Variants in DENND1A observed in about 807,000 individuals in gnomAD.
The protein encoded by DENND1A is DENN domain-containing protein 1A.
In DENND1A, 51 loss-of-function variants were observed where a neutral mutation model predicts 113.7. That is an observed-to-expected ratio of 0.45 (90% CI 0.36 to 0.57). The LOEUF (loss-of-function observed/expected upper bound fraction) is 0.57. Among genes scored for constraint, DENND1A ranks in the 20% least tolerant of loss-of-function variants. DENND1A has a pLI of 0.00. For synonymous variants in DENND1A, 565 were observed against 570.8 expected (o/e 0.99, Z 0.14); for missense variants, 1,258 against 1,395.9 (o/e 0.90, Z 1.57).
At chr9:123,924,302 T>C (rs1387140005) in intron 1 of DENND1A, among the ~76,000 whole-genome samples, 1 of 152,192 alleles carries the variant, frequency 6.6e-6, no homozygotes, top group African/African-American at 2.4e-5. Flanking sequence ...GGTTTCTTTC[T>C]GGGGTGATGA....
chr9:123,901,568 G>A (rs1851624469), intron 1 of DENND1A, among the ~76,000 whole-genome samples: 1 of 152,068 alleles, frequency 6.6e-6, no homozygotes, highest in South Asian at 2.1e-4. Context: ...TATTTCCCTA[G>A]AAAAATCTCA....
intron 1 of DENND1A, among the ~76,000 whole-genome samples, chr9:123,890,200 T>C (rs1032790333): frequency 6.6e-6 from 1 of 152,040 alleles, no homozygotes; most frequent in African/African-American, 2.4e-5. Flanking sequence ...TGAACCCTGG[T>C]TTTAAGATTC....
In DENND1A at chr9:123,457,375, C is replaced by T; in HGVS notation, c.1159G>A (p.Glu387Lys). 2 of 1,614,092 alleles carry T rather than the reference C, an allele frequency of 1.2e-6. No homozygotes were observed. Among genetic ancestry groups the T allele is most frequent in the Non-Finnish European group, 1.7e-6 (2 of 1,179,970 alleles). ...GCGTACTCGCCCATGTTGATTTCCT[C>T]TTCAAAAACATCACTGAAACCTTCG... ...SGEGFSDVFE[E>K]EINMGEYAGS... The change falls in exon 15 of 24, where the codon GAG (glutamate) becomes AAG (lysine). Residue 387 changes from glutamate to lysine, a missense_variant. Physicochemically the swap from Glu to Lys is moderately conservative, Grantham distance 56. Around this residue, in one of 2 missense-constraint regions of DENND1A, gnomAD observed 1,159 missense variants for 1,231.7 expected, o/e 0.94. Coordinates refer to ENST00000394215, the MANE Select transcript of DENND1A (RefSeq NM_001352964.2).
At chr9:123,717,629 G>C (rs943949398) in intron 5 of DENND1A, among the ~76,000 whole-genome samples, 1 of 152,178 alleles carries the variant, frequency 6.6e-6, no homozygotes, top group Non-Finnish European at 1.5e-5. Context: ...TAGAAAAGAG[G>C]ATATACCTCC....
At chr9:123,617,968 A>G (rs1229726131) in intron 10 of DENND1A, among the ~76,000 whole-genome samples, 1 of 152,196 alleles carries the variant, frequency 6.6e-6, no homozygotes, top group Non-Finnish European at 1.5e-5. Flanking sequence ...TAATAAAAGG[A>G]GATTTTCTCT....
intron 4 of DENND1A, among the ~76,000 whole-genome samples, chr9:123,762,800 G>A (rs1342507571): frequency 6.6e-6 from 1 of 152,242 alleles, no homozygotes; most frequent in Non-Finnish European, 1.5e-5. Context: ...AGATAATGTG[G>A]TCAGAGGTAG....
intron 7 of DENND1A, among the ~76,000 whole-genome samples, chr9:123,667,639 C>T (rs2063555683): frequency 6.6e-6 from 1 of 151,986 alleles, no homozygotes; most frequent in Admixed American, 6.6e-5. Flanking sequence ...ATAAATAGTT[C>T]AAAGAAGTTA....
chr9:123,651,716 G>C (rs2062668992), intron 9 of DENND1A, among the ~76,000 whole-genome samples: 1 of 152,196 alleles, frequency 6.6e-6, no homozygotes, highest in Non-Finnish European at 1.5e-5. Context: ...CCCGTATCAT[G>C]AAATATGGTG....
chr9:123,761,036 G>A (rs1288507008), intron 4 of DENND1A, among the ~76,000 whole-genome samples: 1 of 152,166 alleles, frequency 6.6e-6, no homozygotes, highest in Non-Finnish European at 1.5e-5. Context: ...TCGATGAAAA[G>A]AAAACACCCA....
At chr9:123,598,854 G>A (rs1474089988) in intron 11 of DENND1A, among the ~76,000 whole-genome samples, 4 of 152,100 alleles carry the variant, frequency 2.6e-5, no homozygotes, top group Admixed American at 6.5e-5. Context: ...TGGAAACAAC[G>A]GACTCCTAGG....
In DENND1A at chr9:123,807,758, T is replaced by A. The variant is rs151046378; in HGVS notation, c.89-15128A>T. Among the ~76,000 whole-genome samples the A allele has an allele frequency of 3.6e-3, 549 of 152,316 alleles. 2 individuals are homozygous for A. The highest frequency in any genetic ancestry group is 0.013 in the African/African-American group (522 of 41,572). ...GACTTCATGGAATGCCTATTCTGTG[T>A]CACACACTGTGATAAGCATAGTCCA... is the stretch of plus-strand genomic sequence containing the variant. On this transcript the variant is annotated intron_variant, in intron 2 of 23. Transcript: ENST00000394215.
At chr9:123,392,088 CGT>C (rs983829471) in intron 21 of DENND1A, among the ~76,000 whole-genome samples, 3 of 152,302 alleles carry the variant, frequency 2.0e-5, no homozygotes, top group East Asian at 1.9e-4. Flanking sequence ...TTAGCGCGCG[CGT>C]GTGACAGTGG....
intron 2 of DENND1A, among the ~76,000 whole-genome samples, chr9:123,825,313 T>A (rs975486700): frequency 6.7e-6 from 1 of 148,408 alleles, no homozygotes; most frequent in Non-Finnish European, 1.5e-5. Context: ...CAGCTCTTCT[T>A]TTAAAAAAAA....
rs1843645843 is a variant in DENND1A, at chr9:123,853,256, A to G, written c.88+25695T>C. On this transcript the variant is annotated intron_variant, in intron 2 of 23. Transcript: ENST00000394215. Reference sequence around the variant, plus strand: ...ATAAATAACCAGTGATCAGTTATCAATAAGGCAAGTATAGGTTGACTCCTC... The same window carrying G: ...ATAAATAACCAGTGATCAGTTATCAGTAAGGCAAGTATAGGTTGACTCCTC... 2.0e-5 allele frequency among the ~76,000 whole-genome samples: 3 copies of G among 152,096 alleles called. 1 individual carries two copies. Among genetic ancestry groups the G allele is most frequent in the South Asian group, 4.1e-4 (2 of 4,826 alleles).
intron 1 of DENND1A, among the ~76,000 whole-genome samples, chr9:123,882,977 C>T (rs1161314586): frequency 2.0e-5 from 3 of 152,210 alleles, no homozygotes; most frequent in Admixed American, 2.0e-4. Context: ...TGTCCAACTT[C>T]ATTTTATACC....
chr9:123,684,823 A>G (rs1246745026), intron 5 of DENND1A, among the ~76,000 whole-genome samples: 2 of 152,196 alleles, frequency 1.3e-5, no homozygotes, highest in Non-Finnish European at 2.9e-5. Context: ...ACATGGGGGA[A>G]TAAGGCCCAT....
chr9:123,590,818 G>T (rs1390625587), intron 11 of DENND1A, among the ~76,000 whole-genome samples: 1 of 152,128 alleles, frequency 6.6e-6, no homozygotes, highest in Non-Finnish European at 1.5e-5. Flanking sequence ...CAATGAAGTT[G>T]ATAAACATAT....
chr9:123,544,697 C>G (rs185711747), intron 13 of DENND1A, among the ~76,000 whole-genome samples: 3 of 152,328 alleles, frequency 2.0e-5, no homozygotes, highest in African/African-American at 7.2e-5. Flanking sequence ...ATATAAAGAG[C>G]CTAGCATATA....
At chr9:123,693,700 CAT>C (rs1487256237) in intron 5 of DENND1A, among the ~76,000 whole-genome samples, 2 of 152,014 alleles carry the variant, frequency 1.3e-5, no homozygotes, top group African/African-American at 4.8e-5. Flanking sequence ...ATCACAACCC[CAT>C]GGTGCTAGCT....
Sources: allele counts gnomAD v4.1 joint callset (sites outside exome capture counted in the v4.1 genomes callset), GRCh38; gene constraint gnomAD v4.1.1; regional missense constraint gnomAD v4.1.1; transcripts MANE v1.5; gene names NCBI Gene and HGNC (gene_info 2026-07-23, HGNC 2026-07-21).